Variants in SYNE3 observed in about 807,000 individuals in gnomAD.
The protein encoded by SYNE3 is spectrin repeat containing nuclear envelope family member 3.
In SYNE3, 100 loss-of-function variants were observed where a neutral mutation model predicts 111.2. That is an observed-to-expected ratio of 0.90 (90% CI 0.77 to 1.06). The LOEUF (loss-of-function observed/expected upper bound fraction) is 1.06, where lower values mean the gene tolerates loss of function less well. SYNE3 is among the 50% of genes least tolerant of loss of function. The pLI is 0.00. For missense variants in SYNE3, 1,160 were observed against 1,240.3 expected (o/e 0.94, Z 0.97); for synonymous variants, 547 against 533.9 (o/e 1.02, Z -0.34).
At chr14:95,474,335 C>T (rs17829057) in intron 2 of SYNE3, among the ~76,000 whole-genome samples, 20,409 of 152,254 alleles carry the variant, frequency 0.13, 1,748 homozygotes, top group Non-Finnish European at 0.19. Context: ...GGGTGTGCCT[C>T]ATACATGCTT....
At position 95,484,880 on chromosome 14, in the gene SYNE3, G is replaced by A. The variant is rs530876698; in HGVS notation, c.-14-9045C>T. 2.0e-4 allele frequency among the ~76,000 whole-genome samples: 31 copies of A among 152,168 alleles called. 1 individual carries two copies. The highest frequency in any genetic ancestry group is 7.7e-4 in the East Asian group (4 of 5,196). ...ACAAAACCAAAATCCTTTGAGGAAC[G>A]GTGGATTCGCTCAGTGATTCTCACA... On this transcript the variant is annotated intron_variant, in intron 1 of 17. Coordinates refer to ENST00000682763, the MANE Select transcript of SYNE3 (RefSeq NM_152592.6).
chr14:95,486,932 C>T (rs1889580453), intron 1 of SYNE3, among the ~76,000 whole-genome samples: 1 of 152,202 alleles, frequency 6.6e-6, no homozygotes, highest in African/African-American at 2.4e-5. Context: ...GACGGTGCCT[C>T]CTGCCAGCCC....
At chr14:95,454,431 G>A (rs942817188) in intron 6 of SYNE3, among the ~76,000 whole-genome samples, 6 of 152,228 alleles carry the variant, frequency 3.9e-5, no homozygotes, top group African/African-American at 1.4e-4. Context: ...AAGCCACTCA[G>A]TTAGCAAGGG....
chr14:95,442,085 A>G (rs971865536), intron 11 of SYNE3, among the ~76,000 whole-genome samples: 1 of 152,260 alleles, frequency 6.6e-6, no homozygotes, highest in Non-Finnish European at 1.5e-5. Context: ...TTTAACAAAC[A>G]TACTGACTTC....
rs555396611 is a variant in SYNE3, at chr14:95,409,949, G to C, written c.*7877C>G. 6.3e-6 allele frequency: 1 copy of C among 157,608 alleles called. No individual in the cohort carries two copies. Among genetic ancestry groups the C allele is most frequent in the African/African-American group, 2.4e-5 (1 of 41,592 alleles). The allele number at this position is 157,608 out of a possible 1,614,324, so 9.8% of individuals were successfully genotyped here. A position where few individuals can be genotyped will look rare whatever the true frequency, so the allele number is the denominator to read the frequency against. On this transcript the variant is annotated 3_prime_UTR_variant, in exon 18 of 18. Transcript: ENST00000682763. The stretch of plus-strand genomic sequence containing the variant: ...CCTCATTTTCCAAGATTTGCACCCA[G>C]GAGCTCCTCAAGCTCAAGAAGAAAT...
intron 1 of SYNE3, among the ~76,000 whole-genome samples, chr14:95,484,138 G>A (rs1889411956): frequency 6.6e-6 from 1 of 152,208 alleles, no homozygotes; most frequent in Admixed American, 6.5e-5. Flanking sequence ...GGGAAGTGCT[G>A]GCCTTGGCAA....
In SYNE3 at chr14:95,410,020, G is replaced by A. The variant is rs1325389692; in HGVS notation, c.*7806C>T. 6.5e-6 allele frequency: 1 copy of A among 154,644 alleles called. No individual in the cohort carries two copies. Among genetic ancestry groups the A allele is most frequent in the African/African-American group, 2.4e-5 (1 of 41,482 alleles). 9.6% of individuals were successfully genotyped at this position (154,644 alleles called of 1,614,324 possible). On this transcript the variant is annotated 3_prime_UTR_variant, in exon 18 of 18. Coordinates refer to ENST00000682763, the MANE Select transcript of SYNE3 (RefSeq NM_152592.6). ...TGGGCTGAATCCAAACACAAAGAAA[G>A]TGTTCAAAAGCTTAGCCCTGGGTGC...
chr14:95,446,946 T>C (rs924176295), intron 8 of SYNE3, among the ~76,000 whole-genome samples: 2 of 152,176 alleles, frequency 1.3e-5, no homozygotes, highest in Non-Finnish European at 2.9e-5. Flanking sequence ...GCATTTCTAA[T>C]CGAGAGTCTG....
intron 2 of SYNE3, among the ~76,000 whole-genome samples, chr14:95,471,750 C>T (rs918367203): frequency 5.9e-5 from 9 of 152,184 alleles, no homozygotes; most frequent in Non-Finnish European, 1.2e-4. Flanking sequence ...GCAAGGTCTG[C>T]GTGGCCAGCT....
Position 95,485,436 on chromosome 14 carries a change from C to T in SYNE3, c.-14-9601G>A, listed in dbSNP as rs529729277. Among the ~76,000 whole-genome samples, 1 of 152,108 alleles carries T rather than the reference C, an allele frequency of 6.6e-6. No individual in the cohort carries two copies. The highest frequency in any genetic ancestry group is 1.5e-5 in the Non-Finnish European group (1 of 68,032). On this transcript the variant is annotated intron_variant, in intron 1 of 17. Transcript: ENST00000682763. This position sits in a 1 kb window ranked among gnomAD's most constrained non-coding sequence, Gnocchi z 4.3. ...TGAGGCATTCACTTGAGAGTGAGAA[C>T]GCACACATTCCTCAGATGCCCTGAA... is the stretch of plus-strand genomic sequence containing the variant.
At chr14:95,443,433 T>A in intron 10 of SYNE3, 144 bp from the exon 11 acceptor site, 1 of 1,029,346 alleles carries the variant, frequency 9.7e-7, no homozygotes, top group Non-Finnish European at 1.4e-6. Flanking sequence ...CCAGCGGAAG[T>A]ACCAACCACA....
At chr14:95,476,306 G>A (rs1455615612) in intron 1 of SYNE3, among the ~76,000 whole-genome samples, 1 of 152,232 alleles carries the variant, frequency 6.6e-6, no homozygotes, top group Non-Finnish European at 1.5e-5. Flanking sequence ...TCCCTGAGAT[G>A]AACTTCTCAG....
chr14:95,460,008 G>A (rs1887690571), intron 4 of SYNE3, among the ~76,000 whole-genome samples: 1 of 151,942 alleles, frequency 6.6e-6, no homozygotes. Context: ...GAGGCAGGAG[G>A]ATCGCTTGAG....
chr14:95,514,998 T>C (rs1285194429), intron 1 of SYNE3, among the ~76,000 whole-genome samples: 4 of 152,172 alleles, frequency 2.6e-5, no homozygotes, highest in Admixed American at 6.5e-5. Context: ...CAGAAAGGAC[T>C]CCAACTCACT....
chr14:95,467,701 G>T, intron 3 of SYNE3, 94 bp downstream of exon 3: 1 of 1,461,056 alleles, frequency 6.8e-7, no homozygotes, highest in Non-Finnish European at 9.3e-7. Context: ...TCCCAGGACT[G>T]GAGAAATGTC....
At chr14:95,440,879 A>T (rs565592792) in intron 11 of SYNE3, among the ~76,000 whole-genome samples, 57 of 152,286 alleles carry the variant, frequency 3.7e-4, no homozygotes, top group Middle Eastern at 6.8e-3. Flanking sequence ...TTTAATTTTT[A>T]AAAAAAGTAA....
chr14:95,415,877 C>G lies in SYNE3; in HGVS notation c.*1949G>C, dbSNP rs1016172280. 3.3e-5 allele frequency: 5 copies of G among 152,236 alleles called. No homozygotes were observed. Among genetic ancestry groups the G allele is most frequent in the African/African-American group, 1.2e-4 (5 of 41,428 alleles). 9.4% of individuals were successfully genotyped at this position (152,236 alleles called of 1,614,324 possible). ...GGGCATGGTGGCAGATGCCTGTAAT[C>G]CCAGCTATTTGGGAGGCTGAAGCAG... On this transcript the variant is annotated 3_prime_UTR_variant, in exon 18 of 18. Coordinates refer to ENST00000682763, the MANE Select transcript of SYNE3 (RefSeq NM_152592.6).
chr14:95,448,657 C>A (rs1397152046), intron 8 of SYNE3, among the ~76,000 whole-genome samples: 2 of 152,216 alleles, frequency 1.3e-5, no homozygotes, highest in African/African-American at 4.8e-5. Context: ...CACTGCACTC[C>A]AGCCTGGGTG....
intron 9 of SYNE3, 131 bp downstream of exon 9, chr14:95,445,778 G>C (rs1425554923): frequency 2.1e-6 from 2 of 961,854 alleles, no homozygotes; most frequent in Non-Finnish European, 3.1e-6. Context: ...CAGGGACAAA[G>C]GGATACACCC....
Sources: allele counts gnomAD v4.1 joint callset (sites outside exome capture counted in the v4.1 genomes callset), GRCh38; gene constraint gnomAD v4.1.1; non-coding constraint Gnocchi (gnomAD v3.1); transcripts MANE v1.5; gene names NCBI Gene and HGNC (gene_info 2026-07-23, HGNC 2026-07-21).